Variants in FBLN1 observed in about 807,000 individuals in gnomAD.
FBLN1 encodes the protein fibulin-1.
Under a neutral mutation model 89.7 loss-of-function variants are expected in FBLN1, and 34 were observed. That is an observed-to-expected ratio of 0.38 (90% CI 0.29 to 0.50). The LOEUF is 0.50. Among genes scored for constraint, FBLN1 ranks in the 20% least tolerant of loss-of-function variants. The pLI is 0.92. For missense variants in FBLN1, 777 were observed against 988.1 expected, an observed-to-expected ratio of 0.79 and a Z score of 2.86; for synonymous variants, 393 against 391.3, an observed-to-expected ratio of 1.00 and a Z score of -0.05.
At chr22:45,540,728 T>A (rs1448746930) in intron 8 of FBLN1, among the ~76,000 whole-genome samples, 1 of 152,186 alleles carries the variant, frequency 6.6e-6, no homozygotes, top group Non-Finnish European at 1.5e-5. Flanking sequence ...ACGGTCCCCA[T>A]GTCAGAGATG....
intron 14 of FBLN1, among the ~76,000 whole-genome samples, chr22:45,554,243 C>T (rs946890596): frequency 1.3e-5 from 2 of 152,194 alleles, no homozygotes; most frequent in Non-Finnish European, 2.9e-5. Flanking sequence ...CACCTGCACC[C>T]GGAAGCACAG....
rs2089019595 is a variant in FBLN1 at position 45,578,768 on chromosome 22, T to C, written c.1972+1660T>C. ...TGGGACATGGCCCTCAGGTGATTTCTAGATCTTGGAACATGGGAGTTTGGA... is the reference window on the plus strand; with the variant it reads ...TGGGACATGGCCCTCAGGTGATTTCCAGATCTTGGAACATGGGAGTTTGGA... On this transcript the variant is annotated intron_variant, in intron 16 of 16. Coordinates refer to ENST00000327858, the MANE Select transcript of FBLN1 (RefSeq NM_006486.3). The surrounding 1 kb of genome is among the most constrained non-coding windows in gnomAD (Gnocchi z 4.6). 6.6e-6 allele frequency among the ~76,000 whole-genome samples: 1 copy of C among 152,248 alleles called. No homozygotes were observed. The highest frequency in any genetic ancestry group is 2.1e-4 in the South Asian group (1 of 4,832).
Position 45,600,627 on chromosome 22 carries a change from A to G in FBLN1, c.*181A>G, listed in dbSNP as rs1317248662. 1 of 738,344 alleles carries G rather than the reference A, an allele frequency of 1.4e-6. No individual in the cohort carries two copies. The highest frequency in any genetic ancestry group is 1.7e-5 in the African/African-American group (1 of 57,342). 45.7% of individuals were successfully genotyped at this position (738,344 alleles called of 1,614,324 possible). On this transcript the variant is annotated 3_prime_UTR_variant, in exon 17 of 17. Coordinates refer to ENST00000327858, the MANE Select transcript of FBLN1 (RefSeq NM_006486.3). The stretch of plus-strand genomic sequence containing the variant: ...CCATCTGATGTATTTTCGGTGTTTA[A>G]AAAATGAGCCCAGTTGCTCAACTGT...
chr22:45,529,306 T>C (rs530973897), intron 4 of FBLN1, among the ~76,000 whole-genome samples: 3 of 152,372 alleles, frequency 2.0e-5, no homozygotes, highest in South Asian at 2.1e-4. Context: ...CAAAGGGGCA[T>C]GTGACCCCAA....
At position 45,578,130 on chromosome 22, in the gene FBLN1, G is replaced by A. The variant is rs2147030390; in HGVS notation, c.1972+1022G>A. 1 of 152,274 alleles carries A rather than the reference G, an allele frequency of 6.6e-6. No homozygotes were observed. Among genetic ancestry groups the A allele is most frequent in the East Asian group, 1.9e-4 (1 of 5,152 alleles). 9.4% of individuals were successfully genotyped at this position (152,274 alleles called of 1,614,324 possible). ...GCTGGAGTCCGGGAGGTCCTAACCA[G>A]AACCCACGAGCGTGCAGTGCGCACA... On this transcript the variant is annotated intron_variant, in intron 16 of 16. Transcript: ENST00000327858. The surrounding 1 kb of genome is among the most constrained non-coding windows in gnomAD (Gnocchi z 4.6).
intron 12 of FBLN1, among the ~76,000 whole-genome samples, chr22:45,548,257 C>T (rs2088656649): frequency 6.6e-6 from 1 of 152,188 alleles, no homozygotes; most frequent in African/African-American, 2.4e-5. Flanking sequence ...CACTTTGTTG[C>T]CGAGGCTGGT....
At chr22:45,517,295 CCCAG>C in intron 1 of FBLN1, 1 of 312,398 alleles carries the variant, frequency 3.2e-6, no homozygotes, top group Non-Finnish European at 6.3e-6. Flanking sequence ...TGACCTTCTG[CCCAG>C]CAGCTGGGGC....
chr22:45,547,828 C>T (rs368694450), intron 12 of FBLN1, among the ~76,000 whole-genome samples: 3 of 151,732 alleles, frequency 2.0e-5, no homozygotes, highest in Non-Finnish European at 2.9e-5. Context: ...GACCTTGGGC[C>T]GCATATCTCA....
chr22:45,585,997 G>C (rs2089082333), intron 16 of FBLN1, among the ~76,000 whole-genome samples: 1 of 150,956 alleles, frequency 6.6e-6, no homozygotes, highest in Middle Eastern at 3.2e-3. Context: ...GCAGCTCCTG[G>C]GCTCAGGCCA....
At chr22:45,552,143 G>A (rs1375228730) in intron 14 of FBLN1, among the ~76,000 whole-genome samples, 1 of 152,252 alleles carries the variant, frequency 6.6e-6, no homozygotes, top group Non-Finnish European at 1.5e-5. Context: ...ACAGCCCACA[G>A]AGGGCTTTGT....
chr22:45,559,580 G>C (rs188357643), intron 14 of FBLN1, among the ~76,000 whole-genome samples: 2 of 152,240 alleles, frequency 1.3e-5, no homozygotes, highest in East Asian at 3.9e-4. Flanking sequence ...TTCTGGCACT[G>C]GGAAAATGAC....
At position 45,550,669 on chromosome 22, in the gene FBLN1, A is replaced by T; in HGVS notation, c.1697+54A>T. On this transcript the variant is annotated intron_variant, in intron 14 of 16. Transcript: ENST00000327858. The surrounding 1 kb of genome is among the most constrained non-coding windows in gnomAD (Gnocchi z 8.4). ...TCTGTCTGTGTTGGCCTTCCTGGTG[A>T]CCCAGTTCCCGGGTGGGTGGGTTAT... 6.2e-7 allele frequency: 1 copy of T among 1,613,426 alleles called. No homozygotes were observed. Among genetic ancestry groups the T allele is most frequent in the African/African-American group, 1.3e-5 (1 of 74,972 alleles).
At chr22:45,517,060 G>A (rs1000171611) in intron 1 of FBLN1, among the ~76,000 whole-genome samples, 7 of 152,240 alleles carry the variant, frequency 4.6e-5, no homozygotes, top group Non-Finnish European at 5.9e-5. Flanking sequence ...ATGACTGATA[G>A]GGTGGTTTAG....
chr22:45,546,490 A>G (rs887272441), intron 11 of FBLN1, among the ~76,000 whole-genome samples: 6 of 152,250 alleles, frequency 3.9e-5, no homozygotes, highest in African/African-American at 1.4e-4. Context: ...CTGGAATTAC[A>G]GGCATGAGCC....
intron 2 of FBLN1, among the ~76,000 whole-genome samples, chr22:45,519,941 G>A (rs1033777960): frequency 9.9e-5 from 15 of 152,222 alleles, no homozygotes; most frequent in Non-Finnish European, 1.5e-4. Context: ...AGACCAAGGC[G>A]GGTGGATCAC....
At position 45,578,097 on chromosome 22, in the gene FBLN1, C is replaced by T. The variant is rs1314341635; in HGVS notation, c.1972+989C>T. 6.6e-6 allele frequency: 1 copy of T among 152,058 alleles called. No homozygotes were observed. Among genetic ancestry groups the T allele is most frequent in the African/African-American group, 2.4e-5 (1 of 41,404 alleles). The allele number at this position is 152,058 out of a possible 1,614,324, so 9.4% of individuals were successfully genotyped here. A position where few individuals can be genotyped will look rare whatever the true frequency, so the allele number is the denominator to read the frequency against. On this transcript the variant is annotated intron_variant, in intron 16 of 16. Coordinates refer to ENST00000327858, the MANE Select transcript of FBLN1 (RefSeq NM_006486.3). This position sits in a 1 kb window ranked among gnomAD's most constrained non-coding sequence, Gnocchi z 4.6. ...ACTGGGAGGAGTGGGCTTCCTAGTC[C>T]CTTAGGCGCTGGAGTCCGGGAGGTC...
At chr22:45,533,956 T>A (rs767727245) in intron 7 of FBLN1, 58 bp downstream of exon 7, 32 of 1,607,680 alleles carry the variant, frequency 2.0e-5, no homozygotes, top group Non-Finnish European at 2.6e-5. Context: ...TACGGCGCGG[T>A]GGGAAGGGCA....
chr22:45,529,463 A>G (rs2088374485), intron 4 of FBLN1, among the ~76,000 whole-genome samples: 1 of 152,174 alleles, frequency 6.6e-6, no homozygotes, highest in African/African-American at 2.4e-5. Context: ...TTGTGCTGTA[A>G]CAGAATTAAC....
Position 45,542,282 on chromosome 22 carries a change from C to T in FBLN1, c.1194C>T (p.Val398=), listed in dbSNP as rs770990825. 37 of 1,613,618 alleles carry T rather than the reference C, an allele frequency of 2.3e-5. No homozygotes were observed. The highest frequency in any genetic ancestry group is 3.3e-4 in the Middle Eastern group (2 of 6,082). The change falls in exon 10 of 17, where the codon GTC becomes GTT. Residue 398 remains valine (V), a splice_region_variant and synonymous_variant. Transcript: ENST00000327858. Reference sequence around the variant, plus strand: ...TTGACGGCATCAGCAGGATGTGTGTCGGTGCGTGGGGGGCCCCGCAGGCCT... The same window carrying T: ...TTGACGGCATCAGCAGGATGTGTGTTGGTGCGTGGGGGGCCCCGCAGGCCT... The part of the protein sequence containing the change: ...YYFDGISRMC[V]DVNECQRYPG...
Sources: allele counts gnomAD v4.1 joint callset (sites outside exome capture counted in the v4.1 genomes callset), GRCh38; gene constraint gnomAD v4.1.1; non-coding constraint Gnocchi (gnomAD v3.1); transcripts MANE v1.5; gene names NCBI Gene and HGNC (gene_info 2026-07-23, HGNC 2026-07-21).